The following ADAMTSL1 variants were observed in gnomAD, a reference collection of about 807,000 sequenced individuals.
ADAMTSL1 encodes the protein ADAMTS like 1, also known as ADAMTS-like protein 1.
A neutral mutation model predicts 201.8 loss-of-function variants in ADAMTSL1; 126 were observed. The ratio of observed to expected loss-of-function variants is 0.62; its 90% CI spans 0.54 to 0.72. The LOEUF (loss-of-function observed/expected upper bound fraction) is 0.72, where lower values mean the gene tolerates loss of function less well. Among genes scored for constraint, ADAMTSL1 ranks in the 30% least tolerant of loss-of-function variants. The pLI is 0.00. For missense variants in ADAMTSL1, 2,679 were observed against 2,277.8 expected (o/e 1.18, Z -3.59); for synonymous variants, 1,121 against 903.4 (o/e 1.24, Z -4.32).
Position 18,721,631 on chromosome 9 carries a change from C to A in ADAMTSL1, c.1972C>A (p.Leu658Met). 1 of 1,614,002 alleles carries A rather than the reference C, an allele frequency of 6.2e-7. No individual in the cohort carries two copies. The change falls in exon 15 of 29, where the codon CTG (leucine) becomes ATG (methionine). Residue 658 changes from leucine (L) to methionine (M), a missense_variant. Transcript: ENST00000380548. ...CVTSRRPPQL[L>M]KSCNLDPCPA... The stretch of plus-strand genomic sequence containing the variant: ...GACCAGCCGCCGGCCCCCACAGCTC[C>A]TGAAGTCCTGCAATTTGGATCCCTG...
At chr9:18,753,753 AC>A (rs1272840614) in intron 16 of ADAMTSL1, among the ~76,000 whole-genome samples, 1 of 152,198 alleles carries the variant, frequency 6.6e-6, no homozygotes, top group Non-Finnish European at 1.5e-5. Context: ...CCATCTGTTA[AC>A]CTGAGCATAT....
chr9:17,983,020 C>T (rs1193632726), intron 1 of ADAMTSL1, among the ~76,000 whole-genome samples: 2 of 148,982 alleles, frequency 1.3e-5, no homozygotes, highest in African/African-American at 4.9e-5. Flanking sequence ...TTCCTCCCTC[C>T]CCTTTTCAAC....
intron 9 of ADAMTSL1, among the ~76,000 whole-genome samples, chr9:18,674,223 A>ACAT: frequency 7.7e-6 from 1 of 130,658 alleles, no homozygotes; most frequent in Non-Finnish European, 1.7e-5. Flanking sequence ...CACACACACA[A>ACAT]ACACACACAT....
At chr9:18,286,521 G>T (rs941059512) in intron 2 of ADAMTSL1, among the ~76,000 whole-genome samples, 1 of 152,104 alleles carries the variant, frequency 6.6e-6, no homozygotes, top group Non-Finnish European at 1.5e-5. Flanking sequence ...AACAGAACTT[G>T]CATCCAAAGA....
At chr9:18,301,836 C>T (rs112960668) in intron 2 of ADAMTSL1, among the ~76,000 whole-genome samples, 3,137 of 152,264 alleles carry the variant, frequency 0.021, 64 homozygotes, top group African/African-American at 0.057. Flanking sequence ...GTCTTTATTT[C>T]TAAGTGTTCT....
intron 2 of ADAMTSL1, among the ~76,000 whole-genome samples, chr9:18,318,840 C>G (rs1055901701): frequency 6.6e-6 from 1 of 152,166 alleles, no homozygotes; most frequent in Admixed American, 6.5e-5. Flanking sequence ...ATATGCCAAG[C>G]TGTATGCCAA....
chr9:18,218,040 T>C (rs762203212), intron 2 of ADAMTSL1, among the ~76,000 whole-genome samples: 35 of 152,150 alleles, frequency 2.3e-4, no homozygotes, highest in Non-Finnish European at 5.0e-4. Flanking sequence ...GGAATATATT[T>C]TGAAGAAATA....
rs1052430868 is a variant in ADAMTSL1 at position 18,905,305 on chromosome 9, T to C, written c.4852-477T>C. The stretch of plus-strand genomic sequence containing the variant: ...TCTGCATACCTAAGTCTGCTTTCTG[T>C]TCAGTCATCCTAGGTTTAACCTGCA... On this transcript the variant is annotated intron_variant, in intron 26 of 28. Coordinates refer to ENST00000380548, the MANE Select transcript of ADAMTSL1 (RefSeq NM_001040272.6). 2.0e-5 allele frequency among the ~76,000 whole-genome samples: 3 copies of C among 152,270 alleles called. No homozygotes were observed. In the South Asian group the frequency reaches 6.2e-4, roughly 32 times the overall value.
intron 2 of ADAMTSL1, among the ~76,000 whole-genome samples, chr9:18,336,822 G>A (rs543783262): frequency 1.3e-5 from 2 of 152,208 alleles, no homozygotes; most frequent in South Asian, 4.1e-4. Flanking sequence ...ATCAGATTGT[G>A]TTTATAGAGA....
intron 20 of ADAMTSL1, among the ~76,000 whole-genome samples, chr9:18,800,469 T>A (rs1822723490): frequency 6.6e-6 from 1 of 150,750 alleles, no homozygotes; most frequent in African/African-American, 2.4e-5. Flanking sequence ...TGATCTAAGC[T>A]GCCATCAAGG....
At chr9:18,761,863 T>C (rs1196990759) in intron 16 of ADAMTSL1, among the ~76,000 whole-genome samples, 2 of 152,202 alleles carry the variant, frequency 1.3e-5, no homozygotes, top group African/African-American at 4.8e-5. Context: ...TCCCTGACAT[T>C]TACTCAGCTA....
intron 15 of ADAMTSL1, among the ~76,000 whole-genome samples, chr9:18,738,340 G>T (rs1818637164): frequency 6.6e-6 from 1 of 152,140 alleles, no homozygotes; most frequent in Admixed American, 6.5e-5. Context: ...CATGTGCGTA[G>T]CCATCAATAA....
At chr9:18,016,270 G>A (rs1820257977) in intron 1 of ADAMTSL1, among the ~76,000 whole-genome samples, 1 of 152,046 alleles carries the variant, frequency 6.6e-6, no homozygotes, top group Non-Finnish European at 1.5e-5. Context: ...GCTCCTAGCT[G>A]TCCTTACAGT....
chr9:17,965,987 A>G (rs187148610), intron 1 of ADAMTSL1, among the ~76,000 whole-genome samples: 2 of 152,278 alleles, frequency 1.3e-5, no homozygotes, highest in Admixed American at 6.5e-5. Context: ...CAAATTTTGA[A>G]CTAGTGAAAT....
chr9:18,154,796 T>A (rs1827078262), intron 1 of ADAMTSL1, among the ~76,000 whole-genome samples: 1 of 151,874 alleles, frequency 6.6e-6, no homozygotes. Flanking sequence ...AAGAAAAGAG[T>A]GGACATTGAA....
intron 26 of ADAMTSL1, chr9:18,905,434 A>C: frequency 3.9e-6 from 1 of 257,514 alleles, no homozygotes; most frequent in Non-Finnish European, 7.6e-6. Flanking sequence ...GGGTGGAGCT[A>C]TTTAAGGGTC....
At chr9:17,983,309 T>C (rs1235225974) in intron 1 of ADAMTSL1, among the ~76,000 whole-genome samples, 1 of 152,086 alleles carries the variant, frequency 6.6e-6, no homozygotes, top group East Asian at 1.9e-4. Context: ...GACTTTGTGA[T>C]CTGCCCGCCT....
chr9:18,416,235 G>C (rs1467706191), intron 2 of ADAMTSL1, among the ~76,000 whole-genome samples: 1 of 151,916 alleles, frequency 6.6e-6, no homozygotes, highest in African/African-American at 2.4e-5. Context: ...TTATAACGTA[G>C]GTACCTAGTT....
chr9:18,786,704 G>C (rs1481626537), intron 19 of ADAMTSL1, among the ~76,000 whole-genome samples: 1 of 152,180 alleles, frequency 6.6e-6, no homozygotes, highest in East Asian at 1.9e-4. Context: ...CTAGGTAGTT[G>C]TTCAAAGAGT....
Sources: gnomAD v4.1 joint callset for allele counts (sites outside exome capture counted in the v4.1 genomes callset) on GRCh38, gnomAD v4.1.1 for gene constraint, MANE v1.5 for transcripts, NCBI Gene and HGNC (gene_info 2026-07-23, HGNC 2026-07-21) for gene names.